PCNX2: variants seen among roughly 807,000 people sequenced by gnomAD.
The protein encoded by PCNX2 is pecanex-like protein 2.
In PCNX2, 168 loss-of-function variants were observed where a neutral mutation model predicts 223.8. That is an observed-to-expected ratio of 0.75 (90% CI 0.66 to 0.85). The LOEUF (loss-of-function observed/expected upper bound fraction) is 0.85, where lower values mean the gene tolerates loss of function less well. PCNX2 is among the 40% of genes least tolerant of loss of function. The probability of loss-of-function intolerance (pLI) is 0.00; values close to 1 mark genes in which losing one functional copy is unlikely to be tolerated. For synonymous variants in PCNX2, 1,006 were observed against 1,052.6 expected (o/e 0.96, Z 0.86); for missense variants, 2,507 against 2,675.5 (o/e 0.94, Z 1.39).
intron 1 of PCNX2, among the ~76,000 whole-genome samples, chr1:233,276,728 C>T (rs1003523132): frequency 6.6e-6 from 1 of 152,174 alleles, no homozygotes; most frequent in Non-Finnish European, 1.5e-5. Flanking sequence ...AGCTACAAAG[C>T]AGAAGTCCCA....
At chr1:233,066,386 A>G (rs1392914886) in intron 23 of PCNX2, among the ~76,000 whole-genome samples, 1 of 152,258 alleles carries the variant, frequency 6.6e-6, no homozygotes, top group African/African-American at 2.4e-5. Context: ...TGACAAAGCT[A>G]TAACACCCCC....
chr1:233,012,431 T>G (rs1670501191), intron 28 of PCNX2, among the ~76,000 whole-genome samples: 1 of 152,006 alleles, frequency 6.6e-6, no homozygotes, highest in Admixed American at 6.6e-5. Context: ...AGTTGTCTTT[T>G]GTAAGTGAAA....
At chr1:233,019,163 G>A (rs1196938514) in intron 26 of PCNX2, 1 of 985,276 alleles carries the variant, frequency 1.0e-6, no homozygotes, top group Non-Finnish European at 1.2e-6. Context: ...CATGACTTAG[G>A]CTCTCTGCTG....
chr1:233,167,847 C>A (rs1000293088), intron 17 of PCNX2: 70 of 944,274 alleles, frequency 7.4e-5, no homozygotes, highest in Non-Finnish European at 8.5e-5. Context: ...ACTTTTTGCT[C>A]ATTTAAATGT....
intron 20 of PCNX2, among the ~76,000 whole-genome samples, chr1:233,137,781 A>C (rs1676895721): frequency 6.6e-6 from 1 of 152,196 alleles, no homozygotes; most frequent in Non-Finnish European, 1.5e-5. Flanking sequence ...GCTAAGAAAC[A>C]GAAGCACCTA....
At chr1:233,257,503 G>C (rs558517680) in intron 5 of PCNX2, among the ~76,000 whole-genome samples, 2 of 152,298 alleles carry the variant, frequency 1.3e-5, no homozygotes, top group Non-Finnish European at 2.9e-5. Context: ...AGTCACCCTC[G>C]TTAATACATG....
rs541614523 is a variant in PCNX2, at chr1:233,222,393, G to A, written c.2505-4209C>T. Among the ~76,000 whole-genome samples the A allele has an allele frequency of 6.6e-5, 10 of 152,180 alleles. No homozygotes were observed. The South Asian group carries it at 1.9e-3, about 28-fold the overall frequency. On this transcript the variant is annotated intron_variant, in intron 10 of 33. Transcript: ENST00000258229. ...GACGTTGAAAAGACATATTGTGTTG[G>A]GTTAAGAATAGTGTACAGGGGCTGA...
intron 21 of PCNX2, among the ~76,000 whole-genome samples, chr1:233,121,451 T>C (rs1270092068): frequency 6.6e-6 from 1 of 152,232 alleles, no homozygotes; most frequent in Non-Finnish European, 1.5e-5. Flanking sequence ...TATAAAATGA[T>C]AGTTATCAAG....
At chr1:233,156,080 A>G (rs1678104046) in intron 19 of PCNX2, among the ~76,000 whole-genome samples, 1 of 152,244 alleles carries the variant, frequency 6.6e-6, no homozygotes, top group Non-Finnish European at 1.5e-5. Flanking sequence ...TATAAGTGAT[A>G]GAATTTTACT....
rs1208889152 is a variant in PCNX2, at chr1:233,250,653, C to T, written c.2222+86G>A. The T allele has an allele frequency of 8.3e-6, 12 of 1,453,000 alleles. No individual in the cohort carries two copies. In the South Asian group the frequency reaches 1.4e-4, roughly 17 times the overall value. 90.0% of individuals were successfully genotyped at this position (1,453,000 alleles called of 1,614,324 possible). On this transcript the variant is annotated intron_variant, in intron 8 of 33. Coordinates refer to ENST00000258229, the MANE Select transcript of PCNX2 (RefSeq NM_014801.4). ...CTACAAAGGGATTAACACATTTCTT[C>T]TAAACCAGAATCCTCACTTTATCTT...
chr1:233,214,234 C>T (rs1000027423), intron 12 of PCNX2, among the ~76,000 whole-genome samples: 8 of 152,170 alleles, frequency 5.3e-5, no homozygotes, highest in Admixed American at 1.3e-4. Flanking sequence ...GGGCCAGATA[C>T]GGTGCTAAAC....
chr1:233,280,430 T>A (rs767485402), intron 1 of PCNX2, among the ~76,000 whole-genome samples: 1 of 151,998 alleles, frequency 6.6e-6, no homozygotes, highest in African/African-American at 2.4e-5. Context: ...TCTGAGTAGC[T>A]GGGATTATAG....
Position 233,025,274 on chromosome 1 carries a change from G to A in PCNX2, c.4477C>T (p.Arg1493Cys), listed in dbSNP as rs1168173857. 2.4e-5 allele frequency: 38 copies of A among 1,614,034 alleles called. No individual in the cohort carries two copies. Among genetic ancestry groups the A allele is most frequent in the Non-Finnish European group, 3.0e-5 (35 of 1,179,902 alleles). The change falls in exon 26 of 34, where the codon CGC (arginine) becomes TGC (cysteine). Residue 1493 changes from arginine (R) to cysteine (C), a missense_variant. Physicochemically the swap from Arg to Cys is radical, Grantham distance 180 (BLOSUM62 -3). Transcript: ENST00000258229. Reference protein sequence around the residue: ...LLSCNAAFHLRWLTWEITQTQ... With the variant: ...LLSCNAAFHLCWLTWEITQTQ... ...TGCGTGATTTCCCAGGTGAGCCAGC[G>A]GAGGTGAAAGGCAGCGTTGCAGGAC...
At chr1:233,141,987 T>A (rs984236038) in intron 19 of PCNX2, among the ~76,000 whole-genome samples, 2 of 151,968 alleles carry the variant, frequency 1.3e-5, no homozygotes, top group African/African-American at 4.8e-5. Flanking sequence ...CAGATAAAAA[T>A]AAAAAGAAGT....
chr1:233,249,776 C>T (rs1185124865), intron 8 of PCNX2, among the ~76,000 whole-genome samples: 3 of 152,198 alleles, frequency 2.0e-5, no homozygotes, highest in Non-Finnish European at 4.4e-5. Context: ...ATGGCACTAG[C>T]ATTCCTAAGC....
chr1:233,119,765 A>C (rs1385217182), intron 21 of PCNX2, among the ~76,000 whole-genome samples: 5 of 152,158 alleles, frequency 3.3e-5, no homozygotes, highest in Non-Finnish European at 7.4e-5. Flanking sequence ...ACTTCACTAA[A>C]ATTAAAACTT....
chr1:233,159,462 C>A (rs1678333916), intron 19 of PCNX2, among the ~76,000 whole-genome samples: 1 of 152,132 alleles, frequency 6.6e-6, no homozygotes, highest in Non-Finnish European at 1.5e-5. Context: ...GACATATAGA[C>A]AATTAGATAA....
chr1:233,189,881 T>C (rs552025339), intron 15 of PCNX2, among the ~76,000 whole-genome samples: 5 of 152,146 alleles, frequency 3.3e-5, no homozygotes, highest in Non-Finnish European at 7.4e-5. Context: ...GAGGAGCAAA[T>C]ATTCTGGTTG....
At chr1:233,152,061 C>A (rs891451817) in intron 19 of PCNX2, among the ~76,000 whole-genome samples, 1 of 152,122 alleles carries the variant, frequency 6.6e-6, no homozygotes, top group Non-Finnish European at 1.5e-5. Context: ...TGGAGACTGA[C>A]GCAGGAAGAT....
Sources: allele counts gnomAD v4.1 joint callset (sites outside exome capture counted in the v4.1 genomes callset), GRCh38; gene constraint gnomAD v4.1.1; transcripts MANE v1.5; gene names NCBI Gene and HGNC (gene_info 2026-07-23, HGNC 2026-07-21).